The following DOT1L variants were observed in gnomAD, a reference collection of about 807,000 sequenced individuals.
The protein encoded by DOT1L is DOT1 like histone lysine methyltransferase, also known as histone-lysine N-methyltransferase, H3 lysine-79 specific.
Under a neutral mutation model 153.3 loss-of-function variants are expected in DOT1L, and 33 were observed. That is an observed-to-expected ratio of 0.22 (90% confidence interval 0.16 to 0.29). The LOEUF (loss-of-function observed/expected upper bound fraction) is 0.29. Among genes scored for constraint, DOT1L ranks in the 10% least tolerant of loss-of-function variants. The probability of loss-of-function intolerance (pLI) is 1.00; values close to 1 mark genes in which losing one functional copy is unlikely to be tolerated. For synonymous variants in DOT1L, 1,135 were observed against 965.1 expected, an observed-to-expected ratio of 1.18 and a Z score of -3.26; for missense variants, 1,847 against 2,119.9, an observed-to-expected ratio of 0.87 and a Z score of 2.53.
At chr19:2,196,810 TGGC>T (rs1356856556) in intron 7 of DOT1L, among the ~76,000 whole-genome samples, 1 of 152,182 alleles carries the variant, frequency 6.6e-6, no homozygotes, top group Non-Finnish European at 1.5e-5. Flanking sequence ...GCCCTGGTCT[TGGC>T]GGTCAGCTGA....
chr19:2,194,675 CTGTTGGCACATGGT>C (rs2022944325), intron 7 of DOT1L, 98 bp downstream of exon 7: 13 of 1,400,340 alleles, frequency 9.3e-6, no homozygotes, highest in Admixed American at 7.3e-5. Flanking sequence ...TGGCACATGG[CTGTTGGCACATGGT>C]GTGCCCCCTG....
intron 22 of DOT1L, among the ~76,000 whole-genome samples, 198 bp from the exon 23 acceptor site, chr19:2,219,910 C>T (rs943983749): frequency 8.5e-5 from 13 of 152,222 alleles, no homozygotes; most frequent in African/African-American, 2.7e-4. Context: ...CACACGCAGG[C>T]ACCGCGCACT....
At chr19:2,180,631 G>A (rs1289143347) in intron 1 of DOT1L, 82 bp from the exon 2 acceptor site, 15 of 1,533,332 alleles carry the variant, frequency 9.8e-6, no homozygotes, top group South Asian at 2.3e-5. Context: ...GGAAGTTGAC[G>A]GCATCGCTTG....
At chr19:2,203,384 G>GAGCCATTGTGCCC (rs1442737304) in intron 9 of DOT1L, among the ~76,000 whole-genome samples, 1 of 152,220 alleles carries the variant, frequency 6.6e-6, no homozygotes, top group Admixed American at 6.5e-5. Context: ...TTACAGGCGT[G>GAGCCATTGTGCCC]AGCCATTGTG....
At chr19:2,227,881 C>T (rs1006905559) in intron 27 of DOT1L, 41 of 1,273,758 alleles carry the variant, frequency 3.2e-5, no homozygotes, top group Non-Finnish European at 3.9e-5. Flanking sequence ...TTTCAGGCCC[C>T]GGCCTCGGTT....
rs760508575 is a variant in DOT1L, at chr19:2,216,269, C to T, written c.1924-12C>T. 6 of 1,556,024 alleles carry T rather than the reference C, an allele frequency of 3.9e-6. No individual in the cohort carries two copies. The South Asian group carries it at 7.2e-5, about 19-fold the overall frequency. On this transcript the variant is annotated splice_polypyrimidine_tract_variant and intron_variant, in intron 19 of 27. Transcript: ENST00000398665. ...CGGTGGGGCGGGCCTGACACCATCTCTCCTCCTGCAGATCAGCATTGTGGA... is the reference window on the plus strand; with the variant it reads ...CGGTGGGGCGGGCCTGACACCATCTTTCCTCCTGCAGATCAGCATTGTGGA...
At chr19:2,228,333 G>A (rs761644315) in intron 27 of DOT1L, 1 of 1,330,276 alleles carries the variant, frequency 7.5e-7, no homozygotes, top group Non-Finnish European at 1.0e-6. Flanking sequence ...CCTTTCGGGG[G>A]TTAAGCCGCG....
chr19:2,181,763 A>ACCAGCC (rs899034866), intron 2 of DOT1L, among the ~76,000 whole-genome samples: 6,980 of 138,564 alleles, frequency 0.05, 191 homozygotes, highest in Non-Finnish European at 0.068. Context: ...CCCGCCCAGC[A>ACCAGCC]CCAGCCCCAG....
chr19:2,173,862 C>A (rs2021777425), intron 1 of DOT1L, among the ~76,000 whole-genome samples: 3 of 152,220 alleles, frequency 2.0e-5, no homozygotes, highest in African/African-American at 7.2e-5. Flanking sequence ...AGCTTCACAG[C>A]AGCCTGTGTG....
At chr19:2,174,631 T>C (rs1338548360) in intron 1 of DOT1L, among the ~76,000 whole-genome samples, 1 of 152,106 alleles carries the variant, frequency 6.6e-6, no homozygotes, top group Non-Finnish European at 1.5e-5. Context: ...TGTTTTTTTC[T>C]TTTTTTAGAG....
rs2024152972 is a variant in DOT1L at position 2,222,374 on chromosome 19, G to A, written c.3205G>A (p.Ala1069Thr). 4 of 1,611,470 alleles carry A rather than the reference G, an allele frequency of 2.5e-6. No individual in the cohort carries two copies. The highest frequency in any genetic ancestry group is 1.3e-5 in the African/African-American group (1 of 75,030). Reference sequence around the variant, plus strand: ...CTCCAGCAAGCACAGCCCCCTGACCGCCAGCGCCCGTGGGGACTGTGTGCC... The same window carrying A: ...CTCCAGCAAGCACAGCCCCCTGACCACCAGCGCCCGTGGGGACTGTGTGCC... ...SPSSKHSPLT[A>T]SARGDCVPSH... The change falls in exon 24 of 28, where the codon GCC (alanine) becomes ACC (threonine). Residue 1069 changes from alanine to threonine, a missense_variant. This residue lies in a region of DOT1L where 934 missense variants were observed against 825.3 expected (regional missense o/e 1.13). Coordinates refer to ENST00000398665, the MANE Select transcript of DOT1L (RefSeq NM_032482.3). The surrounding 1 kb of genome is among the most constrained non-coding windows in gnomAD (Gnocchi z 6.5).
In DOT1L at chr19:2,197,901, C is replaced by A. The variant is rs2023088099; in HGVS notation, c.652-1983C>A. 6.6e-6 allele frequency among the ~76,000 whole-genome samples: 1 copy of A among 152,140 alleles called. No individual in the cohort carries two copies. The highest frequency in any genetic ancestry group is 2.1e-4 in the South Asian group (1 of 4,824). On this transcript the variant is annotated intron_variant, in intron 7 of 27. Coordinates refer to ENST00000398665, the MANE Select transcript of DOT1L (RefSeq NM_032482.3). This position sits in a 1 kb window ranked among gnomAD's most constrained non-coding sequence, Gnocchi z 4.1. ...CCCTGCCCTTTCTGATGGAAACTTG[C>A]ATCTGATATTGGAGGAAACCCTCGG...
Position 2,169,346 on chromosome 19 carries a change from A to G in DOT1L, c.81+5081A>G, listed in dbSNP as rs189927673. Among the ~76,000 whole-genome samples the G allele has an allele frequency of 2.0e-5, 3 of 152,256 alleles. No individual in the cohort carries two copies. In the East Asian group the frequency reaches 5.8e-4, roughly 29 times the overall value. On this transcript the variant is annotated intron_variant, in intron 1 of 27. Coordinates refer to ENST00000398665, the MANE Select transcript of DOT1L (RefSeq NM_032482.3). ...GAGTAAAGGAGTCGCTTTAAATAGG[A>G]AGGAATAATAGAAAAAACCCAAGTG...
In DOT1L at chr19:2,210,478, G is replaced by A; in HGVS notation, c.1084G>A (p.Gly362Ser). 6.3e-7 allele frequency: 1 copy of A among 1,592,888 alleles called. No individual in the cohort carries two copies. The highest frequency in any genetic ancestry group is 8.5e-7 in the Non-Finnish European group (1 of 1,171,838). The change falls in exon 13 of 28, where the codon GGC becomes AGC. Residue 362 changes from glycine (G) to serine (S), a missense_variant. Transcript: ENST00000398665. ...NAATPTKGPEGKVAGPADAPM... is the reference protein window; with the variant it reads ...NAATPTKGPESKVAGPADAPM... Reference sequence around the variant, plus strand: ...GGCCACGCCCACTAAGGGCCCAGAGGGCAAGGTGGCCGGCCCCGCCGACGC... The same window carrying A: ...GGCCACGCCCACTAAGGGCCCAGAGAGCAAGGTGGCCGGCCCCGCCGACGC...
chr19:2,201,391 A>C (rs1390661107), intron 8 of DOT1L, among the ~76,000 whole-genome samples: 1 of 134,404 alleles, frequency 7.4e-6, no homozygotes, highest in Non-Finnish European at 1.6e-5. Context: ...CATCCTCCCC[A>C]TGCCTCTCGT....
chr19:2,201,967 A>G (rs1242791158), intron 8 of DOT1L, among the ~76,000 whole-genome samples: 1 of 152,028 alleles, frequency 6.6e-6, no homozygotes, highest in Non-Finnish European at 1.5e-5. Flanking sequence ...CCTGGGTCTG[A>G]CTCACGATGG....
intron 1 of DOT1L, chr19:2,164,516 T>G: frequency 3.4e-6 from 1 of 290,346 alleles, no homozygotes; most frequent in Non-Finnish European, 6.4e-6. Context: ...CGCGGTGCCG[T>G]TGCCCCCGCC....
chr19:2,200,697 C>T (rs919444841), intron 8 of DOT1L, among the ~76,000 whole-genome samples: 4 of 152,106 alleles, frequency 2.6e-5, no homozygotes, highest in Non-Finnish European at 4.4e-5. Context: ...CTGCGCCCCT[C>T]GTCCTCCCCA....
intron 1 of DOT1L, among the ~76,000 whole-genome samples, chr19:2,171,592 C>T (rs905175440): frequency 5.9e-5 from 9 of 152,176 alleles, no homozygotes; most frequent in Admixed American, 3.3e-4. Flanking sequence ...TGCCTTTCAT[C>T]GCCTGGGGTC....
Sources: allele counts gnomAD v4.1 joint callset (sites outside exome capture counted in the v4.1 genomes callset), GRCh38; gene constraint gnomAD v4.1.1; regional missense constraint gnomAD v4.1.1; non-coding constraint Gnocchi (gnomAD v3.1); transcripts MANE v1.5; gene names NCBI Gene and HGNC (gene_info 2026-07-23, HGNC 2026-07-21).